Variants in PIEZO2 observed in about 807,000 individuals in gnomAD.
PIEZO2 encodes the protein piezo-type mechanosensitive ion channel component 2.
PIEZO2 carries 172 observed loss-of-function variants against 337.3 expected under a neutral mutation model. The ratio of observed to expected loss-of-function variants is 0.51; its 90% confidence interval spans 0.45 to 0.58. The LOEUF is 0.58. PIEZO2 is among the 20% of genes least tolerant of loss of function. PIEZO2 has a pLI of 0.00. For missense variants in PIEZO2, 3,028 were observed against 3,391.3 expected (o/e 0.89, Z 2.66); for synonymous variants, 1,251 against 1,228.5 (o/e 1.02, Z -0.38).
At chr18:10,851,407 C>A (rs1451982777) in intron 7 of PIEZO2, among the ~76,000 whole-genome samples, 1 of 152,028 alleles carries the variant, frequency 6.6e-6, no homozygotes, top group Non-Finnish European at 1.5e-5. Flanking sequence ...ACTTAACTTC[C>A]AATGTCTTAC....
chr18:10,742,601 T>G lies in PIEZO2; in HGVS notation c.4529A>C (p.Lys1510Thr). The change falls in exon 32 of 56, where the codon AAG becomes ACG. Residue 1510 changes from lysine (K) to threonine (T), a missense_variant. Lys to Thr is a moderately conservative substitution (Grantham distance 78, BLOSUM62 -1). Around this residue, in one of 5 missense-constraint regions of PIEZO2, gnomAD observed 1,925 missense variants for 2,051.9 expected, o/e 0.94. Transcript: ENST00000674853. ...CTTTTTATATTTCTGTTGCCTGGCC[T>G]TGATGCGATCCATCCTATAAAGTAA... ...DQLKRQMDRIKARQQKYKKGK... is the reference protein window; with the variant it reads ...DQLKRQMDRITARQQKYKKGK... 6.5e-7 allele frequency: 1 copy of G among 1,537,206 alleles called. No homozygotes were observed. Among genetic ancestry groups the G allele is most frequent in the Non-Finnish European group, 8.7e-7 (1 of 1,146,864 alleles).
rs1236369582 is a variant in PIEZO2, at chr18:10,714,765, T to C, written c.5422A>G (p.Ser1808Gly). The stretch of plus-strand genomic sequence containing the variant: ...ACCCATTGTTAGAAAGTGAAATACC[T>C]GGAGATACTGTCATGTGAATCTAAA... Reference protein sequence around the residue: ...DSLDSHDSISSCYTEATMLFS... With the variant: ...DSLDSHDSISGCYTEATMLFS... Residue 1808 changes from serine to glycine, a missense_variant and splice_region_variant, in exon 39 of 56, where the codon AGC becomes GGC. Around this residue, in one of 5 missense-constraint regions of PIEZO2, gnomAD observed 1,925 missense variants for 2,051.9 expected, o/e 0.94. Coordinates refer to ENST00000674853, the MANE Select transcript of PIEZO2 (RefSeq NM_001378183.1). The C allele has an allele frequency of 3.3e-6, 5 of 1,536,954 alleles. No homozygotes were observed. Among genetic ancestry groups the C allele is most frequent in the Non-Finnish European group, 3.5e-6 (4 of 1,146,836 alleles).
rs896232453 is a variant in PIEZO2 at position 10,954,529 on chromosome 18, T to C, written c.286+25006A>G. Among the ~76,000 whole-genome samples the C allele has an allele frequency of 5.3e-5, 8 of 152,254 alleles. No homozygotes were observed. Among genetic ancestry groups the C allele is most frequent in the African/African-American group, 1.7e-4 (7 of 41,470 alleles). The stretch of plus-strand genomic sequence containing the variant: ...CCTGTGATGTTGACTTTTTGAAATA[T>C]TCTACATTGATGGTGTCTCTGCATA... On this transcript the variant is annotated intron_variant, in intron 3 of 55. Coordinates refer to ENST00000674853, the MANE Select transcript of PIEZO2 (RefSeq NM_001378183.1). The surrounding 1 kb of genome is among the most constrained non-coding windows in gnomAD (Gnocchi z 4.2).
chr18:10,997,587 T>C (rs1241457493), intron 2 of PIEZO2, among the ~76,000 whole-genome samples: 3 of 151,912 alleles, frequency 2.0e-5, no homozygotes, highest in Non-Finnish European at 4.4e-5. Context: ...ATTAATCAAA[T>C]AAAAATATTA....
chr18:10,755,739 C>G (rs982337131), intron 27 of PIEZO2, among the ~76,000 whole-genome samples: 8 of 152,144 alleles, frequency 5.3e-5, no homozygotes, highest in African/African-American at 1.9e-4. Flanking sequence ...GGAGACACTG[C>G]TCAGGAAGAG....
chr18:11,089,212 A>C (rs2038996206), intron 1 of PIEZO2, among the ~76,000 whole-genome samples: 1 of 152,024 alleles, frequency 6.6e-6, no homozygotes, highest in Non-Finnish European at 1.5e-5. Flanking sequence ...GGCAATTTAG[A>C]TATGTATCAT....
At chr18:10,754,144 C>A (rs1179738655) in intron 27 of PIEZO2, among the ~76,000 whole-genome samples, 1 of 152,246 alleles carries the variant, frequency 6.6e-6, no homozygotes, top group Non-Finnish European at 1.5e-5. Flanking sequence ...TGGCACTGAA[C>A]CCACTTTGGG....
At chr18:10,683,301 T>A (rs2034359408) in intron 49 of PIEZO2, among the ~76,000 whole-genome samples, 1 of 152,236 alleles carries the variant, frequency 6.6e-6, no homozygotes, top group African/African-American at 2.4e-5. Flanking sequence ...CTACAGTGGC[T>A]TTTACAAGCC....
intron 1 of PIEZO2, among the ~76,000 whole-genome samples, chr18:11,135,247 C>CA (rs1400955354): frequency 1.3e-5 from 2 of 152,100 alleles, no homozygotes; most frequent in African/African-American, 2.4e-5. Flanking sequence ...AACAAAAACT[C>CA]AGACATGAGT....
intron 16 of PIEZO2, 102 bp from the exon 17 acceptor site, chr18:10,785,059 C>G: frequency 7.7e-7 from 1 of 1,295,948 alleles, no homozygotes; most frequent in South Asian, 1.7e-5. Context: ...CCTGTCAGGT[C>G]TATCGTTTAT....
chr18:10,915,725 A>T (rs550235408), intron 3 of PIEZO2, among the ~76,000 whole-genome samples: 4 of 152,260 alleles, frequency 2.6e-5, no homozygotes, highest in African/African-American at 9.6e-5. Context: ...AGGGACCCCA[A>T]GGCCAATGTT....
At position 10,766,322 on chromosome 18, in the gene PIEZO2, TAGG is replaced by T. The variant is rs1436548525; in HGVS notation, c.2947-3227_2947-3225del. ...AAAGGAGGGGAAGGGGAAGGAGAAG[TAGG>T]AGGAGAAGGAGGAGGAGGAGGACAA... On this transcript the variant is annotated intron_variant, in intron 21 of 55. Coordinates refer to ENST00000674853, the MANE Select transcript of PIEZO2 (RefSeq NM_001378183.1). This position sits in a 1 kb window ranked among gnomAD's most constrained non-coding sequence, Gnocchi z 6.1. Among the ~76,000 whole-genome samples the T allele has an allele frequency of 2.0e-5, 3 of 148,780 alleles. No homozygotes were observed. The highest frequency in any genetic ancestry group is 4.5e-5 in the Non-Finnish European group (3 of 66,984).
At chr18:10,848,099 T>C (rs2041420304) in intron 7 of PIEZO2, among the ~76,000 whole-genome samples, 1 of 152,204 alleles carries the variant, frequency 6.6e-6, no homozygotes, top group Non-Finnish European at 1.5e-5. Flanking sequence ...GCAATCTTGA[T>C]GGGGTGCAAA....
rs796163675 is a variant in PIEZO2 at position 11,034,485 on chromosome 18, G to A, written c.160+31642C>T. On this transcript the variant is annotated intron_variant, in intron 2 of 55. Coordinates refer to ENST00000674853, the MANE Select transcript of PIEZO2 (RefSeq NM_001378183.1). ...TTTTTTTGTATTTTTAGTAGAGATG[G>A]GGTTTCGCCGTGTTAGCCAGGATGG... Among the ~76,000 whole-genome samples, 3 of 151,950 alleles carry A rather than the reference G, an allele frequency of 2.0e-5. No individual in the cohort carries two copies. In the South Asian group the frequency reaches 6.2e-4, roughly 32 times the overall value.
At chr18:11,065,921 G>A (rs1315132515) in intron 2 of PIEZO2, among the ~76,000 whole-genome samples, 1 of 152,158 alleles carries the variant, frequency 6.6e-6, no homozygotes, top group Non-Finnish European at 1.5e-5. Flanking sequence ...TTTGTTAACT[G>A]TGTAAGTGAC....
chr18:10,826,278 A>T (rs560593784), intron 7 of PIEZO2, among the ~76,000 whole-genome samples: 1 of 152,314 alleles, frequency 6.6e-6, no homozygotes, highest in South Asian at 2.1e-4. Flanking sequence ...CAGATATAGA[A>T]ATATTTATCC....
chr18:10,781,296 C>T lies in PIEZO2; in HGVS notation c.2493-930G>A, dbSNP rs190028000. ...CCAGCCTGGCCAATATGGTGAAACC[C>T]CCGTCTCTATTAAAAATAGAAAAAT... On this transcript the variant is annotated intron_variant, in intron 17 of 55. Coordinates refer to ENST00000674853, the MANE Select transcript of PIEZO2 (RefSeq NM_001378183.1). This position sits in a 1 kb window ranked among gnomAD's most constrained non-coding sequence, Gnocchi z 4.1. 6.6e-6 allele frequency among the ~76,000 whole-genome samples: 1 copy of T among 151,598 alleles called. No homozygotes were observed. The highest frequency in any genetic ancestry group is 1.5e-5 in the Non-Finnish European group (1 of 67,948).
intron 2 of PIEZO2, among the ~76,000 whole-genome samples, chr18:11,061,615 GACAA>G (rs1332302996): frequency 2.6e-5 from 4 of 151,910 alleles, no homozygotes; most frequent in Admixed American, 6.6e-5. Flanking sequence ...ACCAAAAACA[GACAA>G]ACAGAGAGCC....
intron 4 of PIEZO2, among the ~76,000 whole-genome samples, chr18:10,884,170 T>G (rs890539695): frequency 2.0e-5 from 3 of 152,228 alleles, no homozygotes; most frequent in African/African-American, 7.2e-5. Flanking sequence ...GTGATATTTG[T>G]CTTTCTACGC....
Sources: allele counts gnomAD v4.1 joint callset (sites outside exome capture counted in the v4.1 genomes callset), GRCh38; gene constraint gnomAD v4.1.1; regional missense constraint gnomAD v4.1.1; non-coding constraint Gnocchi (gnomAD v3.1); transcripts MANE v1.5; gene names NCBI Gene and HGNC (gene_info 2026-07-23, HGNC 2026-07-21).